The following CLN3 variants were observed in gnomAD, a reference collection of about 807,000 sequenced individuals.
CLN3 encodes the protein battenin.
Under a neutral mutation model 60.7 loss-of-function variants are expected in CLN3, and 49 were observed. That is an observed-to-expected ratio of 0.81 (90% CI 0.64 to 1.02). CLN3 has a LOEUF of 1.02. Ranked by LOEUF, CLN3 falls within the 50% of genes least tolerant of loss-of-function variation. CLN3 has a pLI of 0.00. For missense variants in CLN3, 516 were observed against 557.4 expected (o/e 0.93, Z 0.75); for synonymous variants, 256 against 245.8 (o/e 1.04, Z -0.39).
At chr16:28,475,663 C>T (rs1266094214), downstream of CLN3, 3 of 152,110 alleles carry the variant, frequency 2.0e-5, no homozygotes, top group African/African-American at 7.2e-5. Flanking sequence ...ATTTTAAACT[C>T]CAATAGTTAC....
intron 9 of CLN3, 129 bp downstream of exon 9, chr16:28,486,218 C>G: frequency 2.4e-6 from 3 of 1,224,498 alleles, no homozygotes; most frequent in Non-Finnish European, 3.5e-6. Flanking sequence ...GGCTGGTTTC[C>G]TGACCTTAGG....
At chr16:28,488,874 A>G (rs2046266598) in intron 4 of CLN3, among the ~76,000 whole-genome samples, 1 of 152,150 alleles carries the variant, frequency 6.6e-6, no homozygotes. Context: ...ATGGCCCTGT[A>G]AATGGACTTT....
chr16:28,477,856 G>A lies in CLN3; in HGVS notation c.1078C>T (p.Leu360=), dbSNP rs1232787477. The A allele has an allele frequency of 1.9e-6, 3 of 1,613,990 alleles. No individual in the cohort carries two copies. Among genetic ancestry groups the A allele is most frequent in the East Asian group, 4.5e-5 (2 of 44,898 alleles). ...LLQCLNLVFL[L]ADVWFGFLPS... is the part of the protein sequence containing the mutation. ...AGAAAGCCGAACCACACGTCTGCCA[G>A]CAGGAACACCAGGTTGAGGCACTGT... Residue 360 remains leucine, a synonymous_variant, in exon 15 of 16, where the codon CTG becomes TTG. Coordinates refer to ENST00000636147, the MANE Select transcript of CLN3 (RefSeq NM_001042432.2).
chr16:28,483,700 C>T (rs1370391860), intron 10 of CLN3, among the ~76,000 whole-genome samples: 4 of 148,272 alleles, frequency 2.7e-5, no homozygotes, highest in African/African-American at 7.5e-5. Flanking sequence ...CCCTCCCTTC[C>T]TTCCTTTCTT....
Position 28,487,697 on chromosome 16 carries a change from C to T in CLN3, c.339G>A (p.Leu113=), listed in dbSNP as rs200356262. The T allele has an allele frequency of 8.7e-6, 14 of 1,614,022 alleles. No individual in the cohort carries two copies. In the East Asian group the frequency reaches 2.9e-4, roughly 33 times the overall value. ...GCAGGTGAAGGCCAAGAGGAGCCAA[C>T]AATTTGATGACGAGTGTGGGGAGGA... is the stretch of plus-strand genomic sequence containing the variant. The part of the protein sequence containing the change: ...ADILPTLVIK[L]LAPLGLHLLP... The change falls in exon 6 of 16, where the codon TTG becomes TTA. Residue 113 remains leucine, a synonymous_variant. Coordinates refer to ENST00000636147, the MANE Select transcript of CLN3 (RefSeq NM_001042432.2).
intron 10 of CLN3, among the ~76,000 whole-genome samples, chr16:28,483,569 A>C (rs1402151196): frequency 1.3e-5 from 2 of 151,572 alleles, no homozygotes; most frequent in African/African-American, 4.9e-5. Flanking sequence ...CACCCTGCCC[A>C]GTCTCACTGG....
intron 4 of CLN3, 52 bp downstream of exon 4, chr16:28,489,238 C>G (rs898064931): frequency 1.1e-5 from 16 of 1,424,070 alleles, no homozygotes; most frequent in Non-Finnish European, 1.5e-5. Flanking sequence ...GTCCCACCCC[C>G]TCATCTTCCC....
downstream of CLN3, among the ~76,000 whole-genome samples, chr16:28,473,216 C>T (rs1019944258): frequency 7.9e-5 from 12 of 152,092 alleles, no homozygotes; most frequent in Non-Finnish European, 1.5e-4. Flanking sequence ...GCAATTCTCC[C>T]GCCTCAGCCT....
chr16:28,482,290 C>T (rs764268184), intron 13 of CLN3, 37 bp downstream of exon 13: 39 of 1,609,094 alleles, frequency 2.4e-5, no homozygotes, highest in East Asian at 1.6e-4. Flanking sequence ...TGCATCACCA[C>T]GGCGCCCTCC....
downstream of CLN3, chr16:28,477,252 T>A (rs1388917329): frequency 1.9e-6 from 1 of 525,656 alleles, no homozygotes; most frequent in Non-Finnish European, 3.4e-6. Flanking sequence ...AAAAGTTTCT[T>A]TTTAGAGACA....
chr16:28,488,690 C>T lies in CLN3; in HGVS notation c.223-28G>A, dbSNP rs138236790. 9 of 1,609,272 alleles carry T rather than the reference C, an allele frequency of 5.6e-6. No individual in the cohort carries two copies. The African/African-American group carries it at 8.0e-5, about 14-fold the overall frequency. ...AATGGGAGAAAAGCATGTCTTTCAC[C>T]CTGGAGGCAGAGGGATAGACACACA... On this transcript the variant is annotated intron_variant, in intron 4 of 15. Transcript: ENST00000636147.
chr16:28,481,462 A>G (rs979301852), intron 14 of CLN3, among the ~76,000 whole-genome samples: 3 of 148,804 alleles, frequency 2.0e-5, no homozygotes, highest in Admixed American at 1.3e-4. Flanking sequence ...ACGCACACAC[A>G]CACACACACA....
rs756893993 is a variant in CLN3 at position 28,477,576 on chromosome 16, C to A, written c.1257G>T (p.Gly419=). 1.1e-5 allele frequency: 17 copies of A among 1,613,772 alleles called. No individual in the cohort carries two copies. The highest frequency in any genetic ancestry group is 2.2e-5 in the East Asian group (1 of 44,882). Residue 419 remains glycine, a synonymous_variant, in exon 16 of 16, where the codon GGG becomes GGT. Coordinates refer to ENST00000636147, the MANE Select transcript of CLN3 (RefSeq NM_001042432.2). ...MAATCISDTL[G]ISLSGLLALP... ...AAGCCAGGAGCCCCGACAGGGAGAT[C>A]CCCAGTGTGTCAGAGATGCAGGTGG...
At chr16:28,472,384 C>G (rs1428395581), downstream of CLN3, among the ~76,000 whole-genome samples, 1 of 151,900 alleles carries the variant, frequency 6.6e-6, no homozygotes, top group Admixed American at 6.6e-5. Context: ...AACCCTGTCT[C>G]TAAACAAAAT....
chr16:28,484,174 G>A, intron 9 of CLN3, 56 bp from the exon 10 acceptor site: 1 of 1,351,498 alleles, frequency 7.4e-7, no homozygotes, highest in Non-Finnish European at 1.0e-6. Context: ...AAGGTCCCCA[G>A]GGACCATCTA....
chr16:28,490,567 T>C (rs970483625), intron 3 of CLN3, among the ~76,000 whole-genome samples: 2 of 151,130 alleles, frequency 1.3e-5, no homozygotes, highest in Non-Finnish European at 2.9e-5. Context: ...GAGACCATCC[T>C]GGATAACGCG....
chr16:28,482,565 T>C lies in CLN3; in HGVS notation c.838-20A>G. ...CAGACCCTGGAAAAGGCAGAAGATA[T>C]AAGCGGGGGGCCTGGAGGTGAGCAA... On this transcript the variant is annotated intron_variant, in intron 11 of 15. Coordinates refer to ENST00000636147, the MANE Select transcript of CLN3 (RefSeq NM_001042432.2). The C allele has an allele frequency of 6.2e-7, 1 of 1,614,002 alleles. No individual in the cohort carries two copies. Among genetic ancestry groups the C allele is most frequent in the Non-Finnish European group, 8.5e-7 (1 of 1,179,978 alleles).
At chr16:28,491,597 T>A in intron 2 of CLN3, 37 bp from the exon 3 acceptor site, 2 of 1,613,582 alleles carry the variant, frequency 1.2e-6, no homozygotes, top group Non-Finnish European at 1.7e-6. Flanking sequence ...CCCCACCTAC[T>A]CTCAGGTGCA....
chr16:28,479,982 T>C (rs2046059640), intron 14 of CLN3, among the ~76,000 whole-genome samples: 1 of 152,080 alleles, frequency 6.6e-6, no homozygotes, highest in Non-Finnish European at 1.5e-5. Context: ...GTAATCTTTT[T>C]TTTTGAGATA....
Sources: allele counts gnomAD v4.1 joint callset (sites outside exome capture counted in the v4.1 genomes callset), GRCh38; gene constraint gnomAD v4.1.1; transcripts MANE v1.5; gene names NCBI Gene and HGNC (gene_info 2026-07-23, HGNC 2026-07-21).